The following TLE1 variants were observed in gnomAD, a reference collection of about 807,000 sequenced individuals.
TLE1 encodes TLE family member 1, transcriptional corepressor.
TLE1 carries 21 observed loss-of-function variants against 89.8 expected under a neutral mutation model. That is an observed-to-expected ratio of 0.23 (90% confidence interval 0.17 to 0.34). The LOEUF (loss-of-function observed/expected upper bound fraction) is 0.34. Ranked by LOEUF, TLE1 falls within the 10% of genes least tolerant of loss-of-function variation. TLE1 has a pLI of 1.00. For missense variants in TLE1, 795 were observed against 1,031.2 expected (o/e 0.77, Z 3.14); for synonymous variants, 447 against 407.6 (o/e 1.10, Z -1.16).
intron 8 of TLE1, among the ~76,000 whole-genome samples, chr9:81,630,470 CTGTT>C (rs1383981661): frequency 1.6e-4 from 24 of 152,186 alleles, no homozygotes; most frequent in Admixed American, 1.5e-3. Flanking sequence ...AGCTCTTCAT[CTGTT>C]TAAGTGATTT....
intron 9 of TLE1, among the ~76,000 whole-genome samples, chr9:81,618,742 T>C (rs1824866680): frequency 6.6e-6 from 1 of 152,138 alleles, no homozygotes; most frequent in African/African-American, 2.4e-5. Context: ...ATTATGAAAA[T>C]GGCTAATTTA....
chr9:81,652,106 TACACACACACACACACACACAC>T, intron 6 of TLE1, 86 bp downstream of exon 6: 1 of 695,124 alleles, frequency 1.4e-6, no homozygotes, highest in Non-Finnish European at 2.3e-6. Context: ...AACGTTAAGA[TACACACACACACACACACACAC>T]ACACACACAC....
At chr9:81,615,901 C>T in intron 11 of TLE1, 81 bp downstream of exon 11, 1 of 1,552,736 alleles carries the variant, frequency 6.4e-7, no homozygotes, top group Non-Finnish European at 8.7e-7. Flanking sequence ...AAAACCCCCA[C>T]ATTTCCAATA....
At chr9:81,673,642 T>C (rs2004967) in intron 4 of TLE1, among the ~76,000 whole-genome samples, 2,999 of 152,148 alleles carry the variant, frequency 0.02, 101 homozygotes, top group African/African-American at 0.067. Flanking sequence ...ACTCACCTGT[T>C]TTCTCTTTTT....
intron 15 of TLE1, among the ~76,000 whole-genome samples, chr9:81,592,174 T>G (rs532500251): frequency 2.0e-5 from 3 of 152,154 alleles, no homozygotes; most frequent in Admixed American, 2.0e-4. Context: ...CTGGCTAACA[T>G]GGTGAAACCC....
intron 14 of TLE1, among the ~76,000 whole-genome samples, chr9:81,603,418 TC>T (rs545271438): frequency 1.4e-3 from 210 of 152,184 alleles, no homozygotes; most frequent in African/African-American, 4.5e-3. Flanking sequence ...AAATGAGAGA[TC>T]CAGGAAAGAC....
chr9:81,673,750 G>A (rs1021678717), intron 4 of TLE1, among the ~76,000 whole-genome samples: 2 of 152,160 alleles, frequency 1.3e-5, no homozygotes, highest in Non-Finnish European at 2.9e-5. Flanking sequence ...GCACATGGGA[G>A]CTCCACGGAT....
chr9:81,614,666 G>A (rs1824184830), intron 11 of TLE1, among the ~76,000 whole-genome samples: 1 of 152,082 alleles, frequency 6.6e-6, no homozygotes, highest in Admixed American at 6.5e-5. Context: ...TTAACTGAAG[G>A]GTTGTTATGA....
chr9:81,616,222 C>G (rs942759962), intron 10 of TLE1, 88 bp from the exon 11 acceptor site: 3 of 1,506,786 alleles, frequency 2.0e-6, no homozygotes, highest in Non-Finnish European at 2.7e-6. Context: ...AATTTAAGGA[C>G]AGAGCTGAAA....
At chr9:81,639,118 G>T (rs1227299402) in intron 6 of TLE1, among the ~76,000 whole-genome samples, 1 of 151,210 alleles carries the variant, frequency 6.6e-6, no homozygotes, top group Non-Finnish European at 1.5e-5. Flanking sequence ...TAGAGATGGG[G>T]TCTCACCATG....
At chr9:81,672,905 T>C (rs536819224) in intron 4 of TLE1, among the ~76,000 whole-genome samples, 1 of 152,304 alleles carries the variant, frequency 6.6e-6, no homozygotes, top group Non-Finnish European at 1.5e-5. Context: ...ATAGTTACAT[T>C]ACTTAAAGCT....
At chr9:81,610,910 CT>C (rs1823627151) in intron 13 of TLE1, among the ~76,000 whole-genome samples, 1 of 152,174 alleles carries the variant, frequency 6.6e-6, no homozygotes, top group African/African-American at 2.4e-5. Context: ...CATGTAGTCT[CT>C]CAGCTGACCA....
intron 4 of TLE1, among the ~76,000 whole-genome samples, chr9:81,672,388 T>C (rs906236773): frequency 7.2e-5 from 11 of 151,810 alleles, no homozygotes; most frequent in African/African-American, 2.2e-4. Flanking sequence ...GGCTGGAGTG[T>C]GATGGTGCGA....
chr9:81,635,314 T>A (rs1827231160), intron 6 of TLE1, among the ~76,000 whole-genome samples: 1 of 152,286 alleles, frequency 6.6e-6, no homozygotes, highest in Non-Finnish European at 1.5e-5. Context: ...AGGAAAGCAC[T>A]TATGTGTGGG....
intron 4 of TLE1, among the ~76,000 whole-genome samples, chr9:81,673,424 T>G (rs755209010): frequency 1.1e-3 from 162 of 151,882 alleles, no homozygotes; most frequent in Admixed American, 2.6e-3. Context: ...GAAGCTGGGT[T>G]TGCAAAAACA....
intron 4 of TLE1, among the ~76,000 whole-genome samples, chr9:81,669,784 C>A (rs1019767886): frequency 6.6e-6 from 1 of 152,166 alleles, no homozygotes; most frequent in African/African-American, 2.4e-5. Context: ...AGAGTCTAAT[C>A]ATCATTTAAG....
rs751618285 is a variant in TLE1 at position 81,613,402 on chromosome 9, G to T, written c.1038C>A (p.Ala346=). The change falls in exon 12 of 20, where the codon GCC becomes GCA. Residue 346 remains alanine (A), a synonymous_variant. Transcript: ENST00000376499. ...CCGCTTGGTTAACGAGGGGGTCTAT[G>T]GCTGGAGGCTTGCCGAGACCTGGAC... The part of the protein sequence containing the change: ...GLRPGLGKPP[A]IDPLVNQAAA... 8.7e-6 allele frequency: 14 copies of T among 1,613,988 alleles called. No individual in the cohort carries two copies. In the Admixed American group the frequency reaches 2.2e-4, roughly 25 times the overall value.
In TLE1 at chr9:81,655,008, G is replaced by T. The variant is rs116252163; in HGVS notation, c.235-972C>A. Reference sequence around the variant, plus strand: ...CAAACTCAAAGACCTCACCGACAGGGCCCAGGGGTCAGCTGAACATAATAA... The same window carrying T: ...CAAACTCAAAGACCTCACCGACAGGTCCCAGGGGTCAGCTGAACATAATAA... On this transcript the variant is annotated intron_variant, in intron 4 of 19. Transcript: ENST00000376499. 2.5e-3 allele frequency among the ~76,000 whole-genome samples: 381 copies of T among 152,224 alleles called. 3 individuals carry two copies. The highest frequency in any genetic ancestry group is 8.6e-3 in the African/African-American group (359 of 41,532).
rs550672225 is a variant in TLE1, at chr9:81,586,078, C to T, written c.1978-423G>A. 9.0e-5 allele frequency among the ~76,000 whole-genome samples: 13 copies of T among 143,748 alleles called. No individual in the cohort carries two copies. The East Asian group carries it at 1.5e-3, about 16-fold the overall frequency. 94.3% of individuals were successfully genotyped at this position (143,748 alleles called of 152,430 possible). ...TGTCGCCCAGGCTGGAGTGAAGCGGCGTTATCTCGGCTCACTGCAAGCTCC... is the reference window on the plus strand; with the variant it reads ...TGTCGCCCAGGCTGGAGTGAAGCGGTGTTATCTCGGCTCACTGCAAGCTCC... On this transcript the variant is annotated intron_variant, in intron 17 of 19. Transcript: ENST00000376499.
Sources: gnomAD v4.1 joint callset for allele counts (sites outside exome capture counted in the v4.1 genomes callset) on GRCh38, gnomAD v4.1.1 for gene constraint, MANE v1.5 for transcripts, NCBI Gene and HGNC (gene_info 2026-07-23, HGNC 2026-07-21) for gene names.